Variants in PSD3 observed in about 807,000 individuals in gnomAD.
PSD3 encodes pleckstrin and Sec7 domain containing 3.
In PSD3, 49 loss-of-function variants were observed where a neutral mutation model predicts 105.5. The ratio of observed to expected loss-of-function variants is 0.46; its 90% CI spans 0.37 to 0.59. PSD3 has a LOEUF of 0.59. Ranked by LOEUF, PSD3 falls within the 20% of genes least tolerant of loss-of-function variation. The probability of loss-of-function intolerance (pLI) is 0.00; values close to 1 mark genes in which losing one functional copy is unlikely to be tolerated. For missense variants in PSD3, 1,561 were observed against 1,263.8 expected, an observed-to-expected ratio of 1.24 and a Z score of -3.57; for synonymous variants, 557 against 457.8, an observed-to-expected ratio of 1.22 and a Z score of -2.77.
intron 1 of PSD3, among the ~76,000 whole-genome samples, chr8:18,941,011 T>C (rs981412172): frequency 5.9e-5 from 9 of 152,340 alleles, no homozygotes; most frequent in Admixed American, 2.0e-4. Flanking sequence ...CCTCTTCCCA[T>C]AGCAAGGCTT....
At chr8:18,578,482 T>G (rs573051411) in intron 12 of PSD3, among the ~76,000 whole-genome samples, 167 of 152,286 alleles carry the variant, frequency 1.1e-3, no homozygotes, top group Non-Finnish European at 1.7e-3. Flanking sequence ...ATCATTATTT[T>G]GCTATCTCTT....
In PSD3 at chr8:18,705,246, G is replaced by C. The variant is rs1029489858; in HGVS notation, c.2173-49561C>G. Among the ~76,000 whole-genome samples the C allele has an allele frequency of 7.9e-5, 12 of 152,266 alleles. No homozygotes were observed. The East Asian group carries it at 2.1e-3, about 27-fold the overall frequency. On this transcript the variant is annotated intron_variant, in intron 9 of 15. Transcript: ENST00000327040. Reference sequence around the variant, plus strand: ...AACAATGTCTAAAAATGAGGGACTAGGCCAGGCGTGATGGCTCATGCCTGT... The same window carrying C: ...AACAATGTCTAAAAATGAGGGACTACGCCAGGCGTGATGGCTCATGCCTGT...
chr8:18,535,937 C>T lies in PSD3; in HGVS notation c.2950G>A (p.Val984Ile), dbSNP rs1323558508. The change falls in exon 16 of 16, where the codon GTC (valine) becomes ATC (isoleucine). Residue 984 changes from valine (V) to isoleucine (I), a missense_variant. Physicochemically the swap from Val to Ile is conservative, Grantham distance 29. Coordinates refer to ENST00000327040, the MANE Select transcript of PSD3 (RefSeq NM_015310.4). ...TTGCCTCCTTCCTTGAGAATGCTGA[C>T]ATACATTTCATAGCGGGTTTTCTGA... ...EFEKTRYEMY[V>I]SILKEGGKEL... 6.2e-7 allele frequency: 1 copy of T among 1,614,144 alleles called. No individual in the cohort carries two copies. The highest frequency in any genetic ancestry group is 2.2e-5 in the East Asian group (1 of 44,884).
At chr8:18,912,596 T>C (rs1393851935) in intron 2 of PSD3, among the ~76,000 whole-genome samples, 1 of 152,224 alleles carries the variant, frequency 6.6e-6, no homozygotes, top group Non-Finnish European at 1.5e-5. Context: ...TGTTAATGTT[T>C]ATCATCTCTG....
chr8:19,011,741 G>A (rs973249182), intron 1 of PSD3, among the ~76,000 whole-genome samples: 1 of 150,890 alleles, frequency 6.6e-6, no homozygotes, highest in Non-Finnish European at 1.5e-5. Flanking sequence ...CATTAAGATT[G>A]GCAAATCAAG....
At chr8:18,840,861 A>G (rs1355463218) in intron 4 of PSD3, among the ~76,000 whole-genome samples, 2 of 152,188 alleles carry the variant, frequency 1.3e-5, no homozygotes, top group Non-Finnish European at 2.9e-5. Context: ...TCTAGTTCCA[A>G]TTTCACTATT....
chr8:18,759,078 T>TCACACACACACACACACA (rs199628183), intron 9 of PSD3, among the ~76,000 whole-genome samples: 1 of 148,552 alleles, frequency 6.7e-6, no homozygotes. Context: ...AACCCATTCT[T>TCACACACACACACACACA]CACACACACA....
chr8:18,690,322 A>G (rs548916988), intron 9 of PSD3, among the ~76,000 whole-genome samples: 36 of 152,330 alleles, frequency 2.4e-4, no homozygotes, highest in Middle Eastern at 3.4e-3. Context: ...ATGCGGTAAC[A>G]TGACTACAAA....
chr8:18,789,782 C>T (rs80269069), intron 8 of PSD3, among the ~76,000 whole-genome samples: 9,134 of 152,228 alleles, frequency 0.06, 378 homozygotes, highest in Non-Finnish European at 0.097. Context: ...GGGTTTCAGC[C>T]ACCATCATCC....
In PSD3 at chr8:18,902,870, C is replaced by T. The variant is rs892463532; in HGVS notation, c.131-30137G>A. ...GCATAGGCTGCTAATGTCTTCAGTC[C>T]TCCTATTCTCATTTTCCACACAATG... On this transcript the variant is annotated intron_variant, in intron 2 of 15. Coordinates refer to ENST00000327040, the MANE Select transcript of PSD3 (RefSeq NM_015310.4). Among the ~76,000 whole-genome samples the T allele has an allele frequency of 8.5e-5, 13 of 152,144 alleles. 1 individual carries two copies. The highest frequency in any genetic ancestry group is 5.9e-5 in the Non-Finnish European group (4 of 68,038).
At chr8:18,859,224 C>CTTTTTT (rs35179243) in intron 4 of PSD3, among the ~76,000 whole-genome samples, 4 of 130,380 alleles carry the variant, frequency 3.1e-5, no homozygotes, top group Admixed American at 7.7e-5. Flanking sequence ...CAAAGAAATC[C>CTTTTTT]TTTTTTTTTT....
intron 14 of PSD3, among the ~76,000 whole-genome samples, chr8:18,571,900 AG>A: frequency 6.6e-6 from 1 of 152,010 alleles, no homozygotes; most frequent in Admixed American, 6.6e-5. Context: ...CCTAGCTGGT[AG>A]GTAGTGTCCT....
intron 1 of PSD3, among the ~76,000 whole-genome samples, chr8:19,066,248 T>C (rs1829072566): frequency 1.3e-5 from 2 of 152,194 alleles, no homozygotes; most frequent in South Asian, 4.1e-4. Flanking sequence ...TTACAGAGTT[T>C]TATAACTTAA....
intron 9 of PSD3, among the ~76,000 whole-genome samples, chr8:18,739,708 G>A (rs905498181): frequency 2.0e-5 from 3 of 151,904 alleles, no homozygotes; most frequent in African/African-American, 7.3e-5. Context: ...ATATATTTGA[G>A]GATACAAAGT....
At chr8:18,811,474 G>A (rs1811675467) in intron 4 of PSD3, among the ~76,000 whole-genome samples, 1 of 152,020 alleles carries the variant, frequency 6.6e-6, no homozygotes, top group African/African-American at 2.4e-5. Context: ...TAAAAATAAA[G>A]AATTTAATAA....
At chr8:19,070,503 C>T (rs910276351) in intron 1 of PSD3, among the ~76,000 whole-genome samples, 9 of 151,964 alleles carry the variant, frequency 5.9e-5, no homozygotes, top group African/African-American at 1.9e-4. Flanking sequence ...TGGTGAAACG[C>T]TATCTCTACT....
intron 1 of PSD3, among the ~76,000 whole-genome samples, chr8:18,949,235 AAAAAAAAAAATATATATAT>A (rs1212261271): frequency 8.6e-5 from 7 of 81,670 alleles, no homozygotes; most frequent in African/African-American, 3.4e-4. Context: ...AAAAAAAAAA[AAAAAAAAAAATATATATAT>A]ATATATATAT....
intron 9 of PSD3, among the ~76,000 whole-genome samples, chr8:18,671,226 C>T (rs1286971242): frequency 6.6e-6 from 1 of 152,054 alleles, no homozygotes; most frequent in Non-Finnish European, 1.5e-5. Flanking sequence ...TCCACTTCGC[C>T]GATCTAGGAG....
chr8:18,530,410 C>G lies in PSD3; in HGVS notation c.*5333G>C, dbSNP rs3739397. ...GGATACAGTACCCAATCCTGGGATG[C>G]CCTGATATACTTTAGTGCTTGTGAT... On this transcript the variant is annotated 3_prime_UTR_variant, in exon 16 of 16. Coordinates refer to ENST00000327040, the MANE Select transcript of PSD3 (RefSeq NM_015310.4). 0.013 allele frequency: 2,044 copies of G among 152,542 alleles called. 42 individuals are homozygous for G. The highest frequency in any genetic ancestry group is 0.079 in the South Asian group (379 of 4,822). The allele number at this position is 152,542 out of a possible 1,614,324, so 9.4% of individuals were successfully genotyped here.
Sources: gnomAD v4.1 joint callset for allele counts (sites outside exome capture counted in the v4.1 genomes callset) on GRCh38, gnomAD v4.1.1 for gene constraint, MANE v1.5 for transcripts, NCBI Gene and HGNC (gene_info 2026-07-23, HGNC 2026-07-21) for gene names.